Variants in ZFC3H1 observed in about 807,000 individuals in gnomAD.
ZFC3H1 encodes the protein zinc finger C3H1-type containing, also known as zinc finger C3H1 domain-containing protein.
ZFC3H1 carries 71 observed loss-of-function variants against 243.7 expected under a neutral mutation model. That is an observed-to-expected ratio of 0.29 (90% CI 0.24 to 0.36). The LOEUF is 0.36. Ranked by LOEUF, ZFC3H1 falls within the 10% of genes least tolerant of loss-of-function variation. The probability of loss-of-function intolerance (pLI) is 1.00; values close to 1 mark genes in which losing one functional copy is unlikely to be tolerated. For synonymous variants in ZFC3H1, 838 were observed against 813.0 expected, an observed-to-expected ratio of 1.03 and a Z score of -0.52; for missense variants, 1,966 against 2,317.1, an observed-to-expected ratio of 0.85 and a Z score of 3.11.
At chr12:71,662,899 G>C in intron 1 of ZFC3H1, 114 bp downstream of exon 1, 2 of 1,053,960 alleles carry the variant, frequency 1.9e-6, no homozygotes, top group Non-Finnish European at 1.4e-6. Flanking sequence ...TACTGACACA[G>C]GGAGAAATAA....
chr12:71,626,658 G>A (rs918786935), intron 21 of ZFC3H1, among the ~76,000 whole-genome samples: 1 of 152,116 alleles, frequency 6.6e-6, no homozygotes, highest in African/African-American at 2.4e-5. Context: ...ATTTTTTTAA[G>A]TGAATGTTCA....
At chr12:71,638,029 A>C (rs1413043430) in intron 7 of ZFC3H1, among the ~76,000 whole-genome samples, 1 of 152,120 alleles carries the variant, frequency 6.6e-6, no homozygotes. Flanking sequence ...CATTTTTATG[A>C]AAAGAGGAGA....
At position 71,627,798 on chromosome 12, in the gene ZFC3H1, T is replaced by C. The variant is rs889179147; in HGVS notation, c.4083A>G (p.Val1361=). The C allele has an allele frequency of 6.2e-7, 1 of 1,613,806 alleles. No individual in the cohort carries two copies. Among genetic ancestry groups the C allele is most frequent in the Non-Finnish European group, 8.5e-7 (1 of 1,179,866 alleles). Residue 1361 remains valine, a synonymous_variant, in exon 21 of 35, where the codon GTA becomes GTG. Coordinates refer to ENST00000378743, the MANE Select transcript of ZFC3H1 (RefSeq NM_144982.5). The stretch of plus-strand genomic sequence containing the variant: ...TGTACGCAAGCTTGAGCCAAAGTTG[T>C]ACATGAGAAGGATTTTCAAGCACAC... ...EASVLENPSH[V]QLWLKLAYKY...
At chr12:71,642,372 C>A in intron 6 of ZFC3H1, 64 bp downstream of exon 6, 1 of 1,522,226 alleles carries the variant, frequency 6.6e-7, no homozygotes, top group Non-Finnish European at 8.9e-7. Flanking sequence ...GTTTTGAGTA[C>A]CATAATGACT....
At chr12:71,662,937 C>T (rs1055422348) in intron 1 of ZFC3H1, 76 bp downstream of exon 1, 88 of 1,380,584 alleles carry the variant, frequency 6.4e-5, no homozygotes, top group Non-Finnish European at 8.1e-5. Flanking sequence ...AAGTTACACT[C>T]GTCTCACAGA....
Position 71,663,638 on chromosome 12 carries a change from T to G in ZFC3H1, c.-28A>C, listed in dbSNP as rs969762092. 1 of 1,589,226 alleles carries G rather than the reference T, an allele frequency of 6.3e-7. No homozygotes were observed. On this transcript the variant is annotated 5_prime_UTR_variant, in exon 1 of 35. Transcript: ENST00000378743. Reference sequence around the variant, plus strand: ...GGGGAGCAGCGCCTTCCACACAACCTTAGCCCTCCGTCCGGGGATCCGCCC... The same window carrying G: ...GGGGAGCAGCGCCTTCCACACAACCGTAGCCCTCCGTCCGGGGATCCGCCC...
intron 19 of ZFC3H1, among the ~76,000 whole-genome samples, chr12:71,629,341 A>G (rs1236839185): frequency 2.0e-5 from 3 of 151,630 alleles, no homozygotes; most frequent in Non-Finnish European, 2.9e-5. Context: ...TAATTTTTCT[A>G]TTTTTAGTAG....
At chr12:71,661,997 ACTTTT>A (rs1260441367) in intron 1 of ZFC3H1, among the ~76,000 whole-genome samples, 1 of 152,234 alleles carries the variant, frequency 6.6e-6, no homozygotes, top group Non-Finnish European at 1.5e-5. Flanking sequence ...AACTGTCATT[ACTTTT>A]AAGTTTCATA....
intron 24 of ZFC3H1, among the ~76,000 whole-genome samples, chr12:71,621,242 C>A (rs1262884425): frequency 1.3e-5 from 2 of 152,040 alleles, no homozygotes; most frequent in African/African-American, 2.4e-5. Flanking sequence ...ACAGTAACTT[C>A]TATGTGAATA....
rs1185313403 is a variant in ZFC3H1, at chr12:71,631,831, C to T, written c.3417G>A (p.Lys1139=). ...VTAQSKTMEV[K]PCPFRPYHSP... is the part of the protein sequence containing the mutation. Reference sequence around the variant, plus strand: ...TATGGTAGGGTCTAAAAGGACATGGCTTCACTTCCATTGTTTTACTTTGTG... The same window carrying T: ...TATGGTAGGGTCTAAAAGGACATGGTTTCACTTCCATTGTTTTACTTTGTG... Residue 1139 remains lysine (K), a synonymous_variant, in exon 16 of 35, where the codon AAG becomes AAA. Transcript: ENST00000378743. The T allele has an allele frequency of 1.2e-6, 2 of 1,613,758 alleles. No individual in the cohort carries two copies. The highest frequency in any genetic ancestry group is 1.3e-5 in the African/African-American group (1 of 75,034).
chr12:71,635,143 A>G (rs1466578154), intron 10 of ZFC3H1, among the ~76,000 whole-genome samples: 2 of 152,186 alleles, frequency 1.3e-5, no homozygotes, highest in Non-Finnish European at 2.9e-5. Context: ...TGGTAACACA[A>G]CACAACTCTA....
chr12:71,661,673 G>A (rs1367148416), intron 1 of ZFC3H1, among the ~76,000 whole-genome samples: 2 of 151,822 alleles, frequency 1.3e-5, no homozygotes, highest in African/African-American at 4.8e-5. Context: ...GTAGAGACAA[G>A]GTTTCACCAT....
intron 12 of ZFC3H1, 104 bp from the exon 13 acceptor site, chr12:71,633,542 T>A: frequency 1.2e-6 from 1 of 830,978 alleles, no homozygotes; most frequent in Non-Finnish European, 1.8e-6. Context: ...AAAATGCATC[T>A]ACGAGACACA....
rs775442466 is a variant in ZFC3H1, at chr12:71,663,669, T to C, written c.-59A>G. On this transcript the variant is annotated 5_prime_UTR_variant, in exon 1 of 35. Coordinates refer to ENST00000378743, the MANE Select transcript of ZFC3H1 (RefSeq NM_144982.5). ...CTCCGTCCGGGGATCCGCCCGACAA[T>C]TGCCTCGTTTCCCTTCTTTCCTAAC... is the stretch of plus-strand genomic sequence containing the variant. 3.2e-5 allele frequency: 49 copies of C among 1,550,198 alleles called. No individual in the cohort carries two copies. In the South Asian group the frequency reaches 3.3e-4, roughly 10 times the overall value.
chr12:71,642,297 C>G (rs1880620165), intron 6 of ZFC3H1, 139 bp downstream of exon 6: 7 of 927,270 alleles, frequency 7.5e-6, no homozygotes, highest in Non-Finnish European at 9.0e-6. Context: ...TTTACAACAA[C>G]AAATAATGTC....
intron 6 of ZFC3H1, among the ~76,000 whole-genome samples, chr12:71,640,492 T>C (rs1880573653): frequency 6.6e-6 from 1 of 152,238 alleles, no homozygotes; most frequent in Admixed American, 6.5e-5. Flanking sequence ...GAGGTGCAGA[T>C]ACAGGCTCAA....
Position 71,635,791 on chromosome 12 carries a change from ACT to A in ZFC3H1, c.2101-213_2101-212del, listed in dbSNP as rs551750739. On this transcript the variant is annotated intron_variant, in intron 9 of 34. Coordinates refer to ENST00000378743, the MANE Select transcript of ZFC3H1 (RefSeq NM_144982.5). Reference sequence around the variant, plus strand: ...CTTTAAGACTTTCTATTCTATAATTACTCTCATTAAAATTTTATTTTCACTAA... The same window carrying A: ...CTTTAAGACTTTCTATTCTATAATTACTCATTAAAATTTTATTTTCACTAA... Among the ~76,000 whole-genome samples, 91 of 152,274 alleles carry A rather than the reference ACT, an allele frequency of 6.0e-4. 1 individual carries two copies. Among genetic ancestry groups the A allele is most frequent in the African/African-American group, 2.0e-3 (84 of 41,562 alleles).
chr12:71,652,908 G>A (rs957215469), intron 2 of ZFC3H1, among the ~76,000 whole-genome samples: 2 of 150,878 alleles, frequency 1.3e-5, no homozygotes, highest in African/African-American at 4.9e-5. Context: ...TCTGGGGAAT[G>A]CATCTTTGTC....
intron 17 of ZFC3H1, 47 bp from the exon 18 acceptor site, chr12:71,630,768 G>C: frequency 6.2e-7 from 1 of 1,607,398 alleles, no homozygotes; most frequent in Non-Finnish European, 8.5e-7. Flanking sequence ...ACATATCAAA[G>C]TTAAGCAAAC....
Sources: allele counts gnomAD v4.1 joint callset (sites outside exome capture counted in the v4.1 genomes callset), GRCh38; gene constraint gnomAD v4.1.1; transcripts MANE v1.5; gene names NCBI Gene and HGNC (gene_info 2026-07-23, HGNC 2026-07-21).